Variants in LIN52 observed in about 807,000 individuals in gnomAD.
LIN52 encodes the protein lin-52 DREAM MuvB core complex component, also known as protein lin-52 homolog.
In LIN52, 4 loss-of-function variants were observed where a neutral mutation model predicts 18.5. The ratio of observed to expected loss-of-function variants is 0.22; its 90% confidence interval spans 0.11 to 0.49. LIN52 has a LOEUF of 0.49. LIN52 is among the 20% of genes least tolerant of loss of function. The pLI is 0.97. For missense variants in LIN52, 102 were observed against 139.5 expected (o/e 0.73, Z 1.35); for synonymous variants, 34 against 45.5 (o/e 0.75, Z 1.02).
At chr14:74,148,522 G>T (rs2061163081) in intron 5 of LIN52, among the ~76,000 whole-genome samples, 1 of 152,080 alleles carries the variant, frequency 6.6e-6, no homozygotes, top group Admixed American at 6.6e-5. Context: ...TAGGCTAAAG[G>T]TGTTTGGAAA....
At chr14:74,194,131 G>A (rs1471133576) in intron 5 of LIN52, among the ~76,000 whole-genome samples, 1 of 152,202 alleles carries the variant, frequency 6.6e-6, no homozygotes, top group Non-Finnish European at 1.5e-5. Context: ...ATTGGGGAAA[G>A]GTGCAGAGCC....
chr14:74,163,559 A>G (rs577634337), intron 5 of LIN52, among the ~76,000 whole-genome samples: 1 of 152,314 alleles, frequency 6.6e-6, no homozygotes, highest in African/African-American at 2.4e-5. Context: ...ATAAATGTGG[A>G]GGGCACTTTA....
intron 5 of LIN52, among the ~76,000 whole-genome samples, chr14:74,195,560 G>GTGTC (rs558189724): frequency 6.5e-4 from 98 of 151,162 alleles, no homozygotes; most frequent in Middle Eastern, 3.4e-3. Flanking sequence ...GTGTGTATGT[G>GTGTC]TGTGTGTGTG....
intron 5 of LIN52, among the ~76,000 whole-genome samples, chr14:74,136,870 GA>G (rs1399368100): frequency 1.3e-5 from 2 of 152,122 alleles, no homozygotes; most frequent in Non-Finnish European, 2.9e-5. Context: ...GGGAGCGTTA[GA>G]GTATTGATCT....
At chr14:74,171,994 C>G (rs1015571284) in intron 5 of LIN52, among the ~76,000 whole-genome samples, 14 of 152,170 alleles carry the variant, frequency 9.2e-5, no homozygotes, top group Non-Finnish European at 1.8e-4. Flanking sequence ...ACCTCGGCCT[C>G]CCAAAGTGCT....
Position 74,101,237 on chromosome 14 carries a change from G to A in LIN52, c.282G>A (p.Glu94=). The A allele has an allele frequency of 1.2e-6, 2 of 1,604,506 alleles. No homozygotes were observed. Among genetic ancestry groups the A allele is most frequent in the South Asian group, 2.2e-5 (2 of 89,378 alleles). ...QNLAYQLGLD[E]SREMTRGKFL... Reference sequence around the variant, plus strand: ...TAGCCTATCAGCTGGGGCTGGATGAGTGTGAGTACCCCGATCGCATTTGTT... The same window carrying A: ...TAGCCTATCAGCTGGGGCTGGATGAATGTGAGTACCCCGATCGCATTTGTT... The change falls in exon 5 of 6, where the codon GAG becomes GAA. Residue 94 remains glutamate (E), a splice_region_variant and synonymous_variant. Transcript: ENST00000555028.
At chr14:74,188,879 T>C (rs994770249) in intron 5 of LIN52, among the ~76,000 whole-genome samples, 2 of 152,198 alleles carry the variant, frequency 1.3e-5, no homozygotes, top group African/African-American at 4.8e-5. Flanking sequence ...GAGGTTTTTA[T>C]TGGCTTCTCA....
At chr14:74,129,000 G>A (rs1251090576) in intron 5 of LIN52, among the ~76,000 whole-genome samples, 3 of 152,156 alleles carry the variant, frequency 2.0e-5, no homozygotes, top group African/African-American at 7.2e-5. Context: ...AGATTGTAAG[G>A]AAAGATTATG....
At chr14:74,086,993 CTT>C (rs1465437125) in intron 1 of LIN52, among the ~76,000 whole-genome samples, 1 of 151,658 alleles carries the variant, frequency 6.6e-6, no homozygotes, top group Non-Finnish European at 1.5e-5. Context: ...TGTTATTAAA[CTT>C]TTTAGTTTAT....
chr14:74,097,797 A>C lies in LIN52; in HGVS notation c.136A>C (p.Ile46Leu). 1 of 1,607,326 alleles carries C rather than the reference A, an allele frequency of 6.2e-7. No homozygotes were observed. The highest frequency in any genetic ancestry group is 1.7e-5 in the Admixed American group (1 of 59,964). Residue 46 changes from isoleucine (I) to leucine (L), a missense_variant, in exon 4 of 6, where the codon ATT (isoleucine) becomes CTT (leucine). Ile to Leu is a conservative substitution (Grantham distance 5, BLOSUM62 2). Transcript: ENST00000555028. ...TGGATATATTATTTTTTGACAGCCT[A>C]TTACTAGTTCTCCACCCAAATGGAT... ...AEFAASFKSP[I>L]TSSPPKWMAE...
At chr14:74,175,705 G>GACAC (rs1312129551) in intron 5 of LIN52, among the ~76,000 whole-genome samples, 1 of 48,674 alleles carries the variant, frequency 2.1e-5, no homozygotes, top group South Asian at 6.7e-4. Flanking sequence ...TCTTAACACA[G>GACAC]ACACATACAC....
intron 5 of LIN52, among the ~76,000 whole-genome samples, chr14:74,147,876 G>C (rs2061159068): frequency 6.6e-6 from 1 of 152,124 alleles, no homozygotes; most frequent in Non-Finnish European, 1.5e-5. Flanking sequence ...AAAAAGTTCT[G>C]GAGATTGGTT....
chr14:74,165,298 C>CT (rs1215652129), intron 5 of LIN52, among the ~76,000 whole-genome samples: 1 of 151,938 alleles, frequency 6.6e-6, no homozygotes, highest in African/African-American at 2.4e-5. Flanking sequence ...TTATCACTTC[C>CT]TGTATTGGGG....
chr14:74,163,398 C>T (rs571611225), intron 5 of LIN52, among the ~76,000 whole-genome samples: 3 of 152,232 alleles, frequency 2.0e-5, no homozygotes, highest in African/African-American at 7.2e-5. Flanking sequence ...GCTACTTTTT[C>T]AGAAGCTATT....
At chr14:74,111,785 A>G (rs2139904048) in intron 5 of LIN52, among the ~76,000 whole-genome samples, 1 of 152,182 alleles carries the variant, frequency 6.6e-6, no homozygotes, top group East Asian at 1.9e-4. Context: ...AGATGGCAGC[A>G]TGAGTCTTTC....
At chr14:74,137,169 TATA>T (rs869307994) in intron 5 of LIN52, among the ~76,000 whole-genome samples, 1,633 of 141,220 alleles carry the variant, frequency 0.012, 16 homozygotes, top group Middle Eastern at 0.029. Context: ...TATATATATA[TATA>T]TTTTTTTAAT....
At chr14:74,101,930 G>A (rs1039588905) in intron 5 of LIN52, among the ~76,000 whole-genome samples, 2 of 152,078 alleles carry the variant, frequency 1.3e-5, no homozygotes, top group Non-Finnish European at 2.9e-5. Context: ...GTACCACCGT[G>A]CCTGGGTAAT....
At chr14:74,097,247 A>G (rs1024749148) in intron 3 of LIN52, among the ~76,000 whole-genome samples, 1 of 152,138 alleles carries the variant, frequency 6.6e-6, no homozygotes, top group Non-Finnish European at 1.5e-5. Context: ...AATAGTGGTC[A>G]TACCTATTCT....
intron 5 of LIN52, among the ~76,000 whole-genome samples, chr14:74,133,992 G>A (rs2061083169): frequency 6.6e-6 from 1 of 152,166 alleles, no homozygotes. Context: ...GCAGAGTCAT[G>A]ACCTCAACTT....
Sources: gnomAD v4.1 joint callset for allele counts (sites outside exome capture counted in the v4.1 genomes callset) on GRCh38, gnomAD v4.1.1 for gene constraint, MANE v1.5 for transcripts, NCBI Gene and HGNC (gene_info 2026-07-23, HGNC 2026-07-21) for gene names.